The following DPP9 variants were observed in gnomAD, a reference collection of about 807,000 sequenced individuals.
DPP9 encodes dipeptidyl peptidase 9, also known as dipeptidyl peptidase IV-related protein-2.
Under a neutral mutation model 110.7 loss-of-function variants are expected in DPP9, and 50 were observed. That is an observed-to-expected ratio of 0.45 (90% CI 0.36 to 0.57). The LOEUF is 0.57. DPP9 is among the 20% of genes least tolerant of loss of function. DPP9 has a pLI of 0.00. For missense variants in DPP9, 1,022 were observed against 1,217.9 expected, an observed-to-expected ratio of 0.84 and a Z score of 2.39; for synonymous variants, 561 against 514.4, an observed-to-expected ratio of 1.09 and a Z score of -1.23.
Position 4,676,984 on chromosome 19 carries a change from C to G in DPP9, c.2587-328G>C, listed in dbSNP as rs1041815220. Among the ~76,000 whole-genome samples, 7 of 152,182 alleles carry G rather than the reference C, an allele frequency of 4.6e-5. No homozygotes were observed. The highest frequency in any genetic ancestry group is 1.4e-4 in the African/African-American group (6 of 41,458). ...TCCCCCAAACCGGCTGACGGGCGAC[C>G]AACTCATCTCTGTGGAGGTGGCTGA... is the stretch of plus-strand genomic sequence containing the variant. On this transcript the variant is annotated intron_variant, in intron 21 of 21. Coordinates refer to ENST00000262960, the MANE Select transcript of DPP9 (RefSeq NM_139159.5). This position sits in a 1 kb window ranked among gnomAD's most constrained non-coding sequence, Gnocchi z 4.0.
chr19:4,714,597 C>T lies in DPP9; in HGVS notation c.57-260G>A, dbSNP rs537834315. On this transcript the variant is annotated intron_variant, in intron 3 of 21. Transcript: ENST00000262960. ...TGGAGATGGGGGTCTCAACTATGTT[C>T]CCCAGGCTGGTCTCAAACTCCTGGC... Among the ~76,000 whole-genome samples, 7 of 152,162 alleles carry T rather than the reference C, an allele frequency of 4.6e-5. No homozygotes were observed. The South Asian group carries it at 1.5e-3, about 32-fold the overall frequency.
In DPP9 at chr19:4,685,300, A is replaced by T. The variant is rs1374350531; in HGVS notation, c.2031+326T>A. On this transcript the variant is annotated intron_variant, in intron 17 of 21. Coordinates refer to ENST00000262960, the MANE Select transcript of DPP9 (RefSeq NM_139159.5). This position sits in a 1 kb window ranked among gnomAD's most constrained non-coding sequence, Gnocchi z 5.8. ...GCTGCCTGCTTTTGACCCCTGCTCC[A>T]GGAATTGGGCCCAGGGCCCATGGCC... The T allele has an allele frequency of 1.8e-6, 1 of 562,834 alleles. No individual in the cohort carries two copies. The highest frequency in any genetic ancestry group is 3.4e-6 in the Non-Finnish European group (1 of 295,718). 34.9% of individuals were successfully genotyped at this position (562,834 alleles called of 1,614,324 possible).
At chr19:4,692,404 G>A (rs1042196493) in intron 13 of DPP9, among the ~76,000 whole-genome samples, 3 of 152,162 alleles carry the variant, frequency 2.0e-5, no homozygotes, top group Admixed American at 2.0e-4. Context: ...AGAGGTCTGG[G>A]TGTGGTTACT....
rs555495780 is a variant in DPP9 at position 4,711,476 on chromosome 19, T to C, written c.313+2605A>G. ...TGACCCAGATGGCATCATGAGTCCT[T>C]ATCAGAGGGAGGCAGGCCAGGCACG... On this transcript the variant is annotated intron_variant, in intron 4 of 21. Transcript: ENST00000262960. Among the ~76,000 whole-genome samples, 4 of 152,006 alleles carry C rather than the reference T, an allele frequency of 2.6e-5. No individual in the cohort carries two copies. In the East Asian group the frequency reaches 5.8e-4, roughly 22 times the overall value.
chr19:4,682,687 T>C lies in DPP9; in HGVS notation c.2474+9A>G, dbSNP rs2090074446. The C allele has an allele frequency of 1.2e-6, 2 of 1,608,626 alleles. No individual in the cohort carries two copies. Among genetic ancestry groups the C allele is most frequent in the Middle Eastern group, 1.7e-4 (1 of 6,054 alleles). On this transcript the variant is annotated intron_variant, in intron 20 of 21. Transcript: ENST00000262960. The surrounding 1 kb of genome is among the most constrained non-coding windows in gnomAD (Gnocchi z 7.1). ...CGGGGAGGAGCGCAGGGCAGGGCAG[T>C]GGCCTTACTCATTGGGCAGCTTCTC...
intron 13 of DPP9, among the ~76,000 whole-genome samples, chr19:4,692,194 G>A (rs1051264888): frequency 6.6e-6 from 1 of 152,078 alleles, no homozygotes; most frequent in Non-Finnish European, 1.5e-5. Context: ...TTTTTGGGGG[G>A]TAGGAGGGTT....
Position 4,676,556 on chromosome 19 carries a change from G to A in DPP9, c.*8C>T, listed in dbSNP as rs2088851124. The A allele has an allele frequency of 6.3e-7, 1 of 1,586,972 alleles. No individual in the cohort carries two copies. On this transcript the variant is annotated 3_prime_UTR_variant, in exon 22 of 22. Transcript: ENST00000262960. This position sits in a 1 kb window ranked among gnomAD's most constrained non-coding sequence, Gnocchi z 4.0. ...GTGCTGTGATGTGGCGGCTCCCGGT[G>A]GGCAGGCTCAGAGGTATTCCTGTAG...
In DPP9 at chr19:4,693,528, G is replaced by A. The variant is rs568178382; in HGVS notation, c.1516+1133C>T. ...TAGACTGGACCTGCGGAGCCCTCCG[G>A]GCATCCATGCCGCCTCCCTCCTCTC... is the stretch of plus-strand genomic sequence containing the variant. On this transcript the variant is annotated intron_variant, in intron 13 of 21. Coordinates refer to ENST00000262960, the MANE Select transcript of DPP9 (RefSeq NM_139159.5). This position sits in a 1 kb window ranked among gnomAD's most constrained non-coding sequence, Gnocchi z 5.0. 2.0e-5 allele frequency among the ~76,000 whole-genome samples: 3 copies of A among 152,216 alleles called. No individual in the cohort carries two copies. The East Asian group carries it at 5.8e-4, about 29-fold the overall frequency.
chr19:4,709,399 A>T (rs2092730234), intron 4 of DPP9, among the ~76,000 whole-genome samples: 1 of 152,126 alleles, frequency 6.6e-6, no homozygotes, highest in South Asian at 2.1e-4. Flanking sequence ...GAAAAATGCA[A>T]AGTTCAGTGA....
At chr19:4,702,409 G>A (rs1161485743) in intron 8 of DPP9, among the ~76,000 whole-genome samples, 194 bp downstream of exon 8, 1 of 152,168 alleles carries the variant, frequency 6.6e-6, no homozygotes, top group Non-Finnish European at 1.5e-5. Context: ...CACGTGGGGT[G>A]TAACGGGCTG....
At chr19:4,686,275 G>C (rs2090696330) in intron 16 of DPP9, among the ~76,000 whole-genome samples, 1 of 151,438 alleles carries the variant, frequency 6.6e-6, no homozygotes, top group South Asian at 2.1e-4. Flanking sequence ...ATTTTTAGTA[G>C]AGACGGGGTT....
chr19:4,716,605 C>A (rs1254853139), intron 3 of DPP9, among the ~76,000 whole-genome samples: 3 of 151,746 alleles, frequency 2.0e-5, no homozygotes, highest in Admixed American at 6.6e-5. Flanking sequence ...CCACTGCACT[C>A]CAGCCTGGGC....
At position 4,695,593 on chromosome 19, in the gene DPP9, TG is replaced by T; in HGVS notation, c.1176-39del. Reference sequence around the variant, plus strand: ...ATGCGGGGGAAGATGAGAGGGAAGCTGGGAGCCTCAGTGGCCTGCACAGAGA... The same window carrying T: ...ATGCGGGGGAAGATGAGAGGGAAGCTGGAGCCTCAGTGGCCTGCACAGAGA... On this transcript the variant is annotated intron_variant, in intron 11 of 21. Coordinates refer to ENST00000262960, the MANE Select transcript of DPP9 (RefSeq NM_139159.5). The surrounding 1 kb of genome is among the most constrained non-coding windows in gnomAD (Gnocchi z 4.7). 1 of 1,434,376 alleles carries T rather than the reference TG, an allele frequency of 7.0e-7. No homozygotes were observed. Among genetic ancestry groups the T allele is most frequent in the Non-Finnish European group, 9.2e-7 (1 of 1,090,372 alleles). 88.9% of individuals were successfully genotyped at this position (1,434,376 alleles called of 1,614,324 possible).
rs1383649344 is a variant in DPP9 at position 4,693,054 on chromosome 19, G to A, written c.1516+1607C>T. ...GTCTCTGTCCCCTGTGTTGGGGGAC[G>A]CCTTGGCTGCTGTGTGGGCTCTGCC... On this transcript the variant is annotated intron_variant, in intron 13 of 21. Transcript: ENST00000262960. This position sits in a 1 kb window ranked among gnomAD's most constrained non-coding sequence, Gnocchi z 5.0. Among the ~76,000 whole-genome samples, 2 of 152,154 alleles carry A rather than the reference G, an allele frequency of 1.3e-5. No individual in the cohort carries two copies. The highest frequency in any genetic ancestry group is 2.4e-5 in the African/African-American group (1 of 41,444).
At chr19:4,691,006 G>A in intron 13 of DPP9, 49 bp from the exon 14 acceptor site, 1 of 1,466,974 alleles carries the variant, frequency 6.8e-7, no homozygotes, top group Non-Finnish European at 9.4e-7. Context: ...AGGTGATGCA[G>A]GCGCCCAAAG....
chr19:4,680,818 G>A (rs148445612), intron 20 of DPP9, among the ~76,000 whole-genome samples: 2,419 of 152,280 alleles, frequency 0.016, 63 homozygotes, highest in African/African-American at 0.054. Flanking sequence ...TTAGCTGGGT[G>A]TGGTAGTGCA....
chr19:4,703,632 G>T (rs1488910465), intron 7 of DPP9, among the ~76,000 whole-genome samples: 1 of 150,210 alleles, frequency 6.7e-6, no homozygotes, highest in Non-Finnish European at 1.5e-5. Context: ...CTGCGCTCCC[G>T]CCTGGGCAAC....
chr19:4,704,288 C>T lies in DPP9; in HGVS notation c.443G>A (p.Gly148Glu). 6.2e-7 allele frequency: 1 copy of T among 1,613,164 alleles called. No homozygotes were observed. The highest frequency in any genetic ancestry group is 8.5e-7 in the Non-Finnish European group (1 of 1,179,858). Residue 148 changes from glycine to glutamate, a missense_variant, in exon 6 of 22, where the codon GGG (glycine) becomes GAG (glutamate). Physicochemically the swap from Gly to Glu is moderately conservative, Grantham distance 98. Around this residue, in one of 3 missense-constraint regions of DPP9, gnomAD observed 810 missense variants for 920.6 expected, o/e 0.88. Coordinates refer to ENST00000262960, the MANE Select transcript of DPP9 (RefSeq NM_139159.5). The surrounding 1 kb of genome is among the most constrained non-coding windows in gnomAD (Gnocchi z 6.0). ...CAGCTCCTCCTCCCGAGAGTAGACCCCATGGTGGGGCGTGGCCTGGAAACA... is the reference window on the plus strand; with the variant it reads ...CAGCTCCTCCTCCCGAGAGTAGACCTCATGGTGGGGCGTGGCCTGGAAACA... Reference protein sequence around the residue: ...LDHFQATPHHGVYSREEELLR... With the variant: ...LDHFQATPHHEVYSREEELLR...
Position 4,710,434 on chromosome 19 carries a change from C to A in DPP9, c.313+3647G>T, listed in dbSNP as rs909978608. On this transcript the variant is annotated intron_variant, in intron 4 of 21. Transcript: ENST00000262960. The surrounding 1 kb of genome is among the most constrained non-coding windows in gnomAD (Gnocchi z 5.6). ...GCGGGAGCGGGGTCGGGAGCGTTTCCCAATGCTGCAGTCTGAGGCCTGGAA... is the reference window on the plus strand; with the variant it reads ...GCGGGAGCGGGGTCGGGAGCGTTTCACAATGCTGCAGTCTGAGGCCTGGAA... Among the ~76,000 whole-genome samples, 1 of 152,200 alleles carries A rather than the reference C, an allele frequency of 6.6e-6. No homozygotes were observed. The highest frequency in any genetic ancestry group is 2.4e-5 in the African/African-American group (1 of 41,450).
Sources: allele counts gnomAD v4.1 joint callset (sites outside exome capture counted in the v4.1 genomes callset), GRCh38; gene constraint gnomAD v4.1.1; regional missense constraint gnomAD v4.1.1; non-coding constraint Gnocchi (gnomAD v3.1); transcripts MANE v1.5; gene names NCBI Gene and HGNC (gene_info 2026-07-23, HGNC 2026-07-21).